Variants in TOMM40 observed in about 807,000 individuals in gnomAD.
The protein encoded by TOMM40 is mitochondrial import receptor subunit TOM40 homolog.
A neutral mutation model predicts 38.4 loss-of-function variants in TOMM40; 9 were observed. That is an observed-to-expected ratio of 0.23 (90% CI 0.14 to 0.41). The LOEUF (loss-of-function observed/expected upper bound fraction) is 0.41, where lower values mean the gene tolerates loss of function less well. Ranked by LOEUF, TOMM40 falls within the 10% of genes least tolerant of loss-of-function variation. The probability of loss-of-function intolerance (pLI) is 1.00; values close to 1 mark genes in which losing one functional copy is unlikely to be tolerated. For missense variants in TOMM40, 299 were observed against 486.5 expected (o/e 0.61, Z 3.63); for synonymous variants, 184 against 210.0 (o/e 0.88, Z 1.07).
Position 44,892,924 on chromosome 19 carries a change from A to G in TOMM40, c.430A>G (p.Thr144Ala), listed in dbSNP as rs749076766. Residue 144 changes from threonine to alanine, a missense_variant, in exon 3 of 9, where the codon ACA becomes GCA. Transcript: ENST00000426677. ...TGTGGGGACAAAGCAGCTGAGTCCC[A>G]CAGAGGTGAGCTTCCTTTTTCATCC... ...TYVGTKQLSP[T>A]EAFPVLVGDM... The G allele has an allele frequency of 1.9e-6, 3 of 1,612,398 alleles. No individual in the cohort carries two copies. In the African/African-American group the frequency reaches 4.0e-5, roughly 22 times the overall value.
chr19:44,892,313 G>C, intron 1 of TOMM40, 80 bp from the exon 2 acceptor site: 1 of 1,368,288 alleles, frequency 7.3e-7, no homozygotes, highest in Non-Finnish European at 1.0e-6. Context: ...TCTCTGGAGA[G>C]AGCTGGGGGT....
intron 2 of TOMM40, 125 bp downstream of exon 2, chr19:44,892,585 G>C: frequency 1.1e-6 from 1 of 942,422 alleles, no homozygotes; most frequent in South Asian, 1.4e-5. Context: ...AAAAGACTCG[G>C]AGATATAGTG....
chr19:44,898,915 C>A (rs766113556), intron 5 of TOMM40, among the ~76,000 whole-genome samples: 3 of 151,618 alleles, frequency 2.0e-5, no homozygotes, highest in Non-Finnish European at 1.5e-5. Flanking sequence ...GAGGCCGAGG[C>A]AGGCGGATCA....
In TOMM40 at chr19:44,903,139, T is replaced by C. The variant is rs2122787499; in HGVS notation, c.1056T>C (p.Phe352=). The C allele has an allele frequency of 6.2e-7, 1 of 1,612,036 alleles. No individual in the cohort carries two copies. Among genetic ancestry groups the C allele is most frequent in the Non-Finnish European group, 8.5e-7 (1 of 1,179,850 alleles). ...GAFLNHRKNK[F]QCGFGLTIG The stretch of plus-strand genomic sequence containing the variant: ...TCCTGAATCACCGCAAGAACAAGTT[T>C]CAGTGTGGCTTTGGCCTCACCATCG... Residue 352 remains phenylalanine (F), a synonymous_variant, in exon 9 of 9, where the codon TTT becomes TTC. Transcript: ENST00000426677.
rs1301036333 is a variant in TOMM40 at position 44,892,380 on chromosome 19, T to C, written c.275-13T>C. On this transcript the variant is annotated splice_polypyrimidine_tract_variant and intron_variant, in intron 1 of 8. Transcript: ENST00000426677. ...GGGTTGGAGTGGAGTGTGACAGCGT[T>C]TCTCTTCTCCAGAGCTGTTTCCCAT... 1.2e-6 allele frequency: 2 copies of C among 1,613,798 alleles called. No homozygotes were observed. Among genetic ancestry groups the C allele is most frequent in the African/African-American group, 1.3e-5 (1 of 74,974 alleles).
chr19:44,891,577 G>C lies in TOMM40; in HGVS notation c.162G>C (p.Ser54=). ...LGAGTSTSRS[S]ERTPGAATAS... ...CCGGCACCAGTACGAGTCGAAGTTC[G>C]GAACGGACCCCCGGGGCTGCAACCG... is the stretch of plus-strand genomic sequence containing the variant. Residue 54 remains serine, a synonymous_variant, in exon 1 of 9, where the codon TCG becomes TCC. Transcript: ENST00000426677. 2.8e-6 allele frequency: 4 copies of C among 1,451,584 alleles called. No individual in the cohort carries two copies. Among genetic ancestry groups the C allele is most frequent in the Non-Finnish European group, 3.6e-6 (4 of 1,103,552 alleles). The allele number at this position is 1,451,584 out of a possible 1,614,324, so 89.9% of individuals were successfully genotyped here.
At chr19:44,899,722 A>G (rs1298996694) in intron 5 of TOMM40, among the ~76,000 whole-genome samples, 1 of 142,862 alleles carries the variant, frequency 7.0e-6, no homozygotes, top group Non-Finnish European at 1.5e-5. Context: ...CCAACTGCTG[A>G]CCTCAAGCTG....
intron 5 of TOMM40, among the ~76,000 whole-genome samples, chr19:44,896,309 GTC>G (rs1969564891): frequency 6.6e-6 from 1 of 152,318 alleles, no homozygotes; most frequent in South Asian, 2.1e-4. Context: ...GACCCAGGGT[GTC>G]TCTACCTCCA....
chr19:44,893,314 C>A (rs1969503322), intron 3 of TOMM40, among the ~76,000 whole-genome samples: 3 of 152,072 alleles, frequency 2.0e-5, no homozygotes, highest in Non-Finnish European at 4.4e-5. Context: ...AGACGTGGTC[C>A]ACAGGTTCCC....
chr19:44,900,268 G>T (rs1157107631), intron 5 of TOMM40, among the ~76,000 whole-genome samples: 2 of 152,216 alleles, frequency 1.3e-5, no homozygotes, highest in African/African-American at 4.8e-5. Flanking sequence ...ATGGTCACCA[G>T]CCAGCCTGTG....
intron 3 of TOMM40, 130 bp downstream of exon 3, chr19:44,893,059 T>G: frequency 1.4e-6 from 1 of 696,610 alleles, no homozygotes; most frequent in Non-Finnish European, 2.4e-6. Flanking sequence ...ATTGCATCTC[T>G]CCGAGGTGCA....
chr19:44,895,784 T>A (rs1969553662), intron 5 of TOMM40, among the ~76,000 whole-genome samples: 1 of 152,054 alleles, frequency 6.6e-6, no homozygotes. Flanking sequence ...TTACCTCAAG[T>A]GATCCACCCG....
intron 5 of TOMM40, among the ~76,000 whole-genome samples, chr19:44,898,917 G>T (rs1022123315): frequency 6.6e-6 from 1 of 151,678 alleles, no homozygotes; most frequent in Non-Finnish European, 1.5e-5. Context: ...GGCCGAGGCA[G>T]GCGGATCACG....
At chr19:44,901,560 C>A in intron 8 of TOMM40, 2 of 914,456 alleles carry the variant, frequency 2.2e-6, no homozygotes, top group Non-Finnish European at 3.1e-6. Flanking sequence ...CACGGTGAAA[C>A]TCCGTCTCTA....
chr19:44,893,785 C>G lies in TOMM40; in HGVS notation c.441C>G (p.Phe147Leu). The G allele has an allele frequency of 1.2e-6, 2 of 1,611,818 alleles. No individual in the cohort carries two copies. Among genetic ancestry groups the G allele is most frequent in the Non-Finnish European group, 1.7e-6 (2 of 1,179,652 alleles). ...CCGTTCTCTCTGCCTCACAGGCGTTCCCTGTACTGGTGGGTGACATGGACA... is the reference window on the plus strand; with the variant it reads ...CCGTTCTCTCTGCCTCACAGGCGTTGCCTGTACTGGTGGGTGACATGGACA... ...GTKQLSPTEA[F>L]PVLVGDMDNS... is the part of the protein sequence containing the mutation. The change falls in exon 4 of 9, where the codon TTC becomes TTG. Residue 147 changes from phenylalanine (F) to leucine (L), a missense_variant. By Grantham distance (22) the Phe-to-Leu change is conservative (BLOSUM62 0). Transcript: ENST00000426677.
chr19:44,898,769 C>G (rs1969619909), intron 5 of TOMM40, among the ~76,000 whole-genome samples: 1 of 151,806 alleles, frequency 6.6e-6, no homozygotes, highest in East Asian at 2.0e-4. Context: ...AACCTCCGAC[C>G]TCAGACGATC....
In TOMM40 at chr19:44,892,959, ATCCT is replaced by A. The variant is rs1568606073; in HGVS notation, c.435+33_435+36del. On this transcript the variant is annotated intron_variant, in intron 3 of 8. Coordinates refer to ENST00000426677, the MANE Select transcript of TOMM40 (RefSeq NM_001128917.2). ...GCTTCCTTTTTCATCCATTCATTGT[ATCCT>A]TCTAATAACAAATTTGTAGCCAAAT... The A allele has an allele frequency of 1.9e-6, 3 of 1,578,030 alleles. No individual in the cohort carries two copies. The Admixed American group carries it at 5.1e-5, about 27-fold the overall frequency.
chr19:44,898,511 C>CTTTT (rs34896370), intron 5 of TOMM40, among the ~76,000 whole-genome samples: 5 of 98,514 alleles, frequency 5.1e-5, no homozygotes, highest in African/African-American at 1.7e-4. Context: ...TGTGTTGTTT[C>CTTTT]TTTTTTTTTT....
chr19:44,900,136 G>A (rs1278928738), intron 5 of TOMM40, among the ~76,000 whole-genome samples: 1 of 152,144 alleles, frequency 6.6e-6, no homozygotes, highest in South Asian at 2.1e-4. Context: ...ACTCCCTACG[G>A]TGGAGGGACA....
Sources: gnomAD v4.1 joint callset for allele counts (sites outside exome capture counted in the v4.1 genomes callset) on GRCh38, gnomAD v4.1.1 for gene constraint, MANE v1.5 for transcripts, NCBI Gene and HGNC (gene_info 2026-07-23, HGNC 2026-07-21) for gene names.